ALK: variants seen among roughly 807,000 people sequenced by gnomAD.
ALK encodes ALK tyrosine kinase receptor.
In ALK, 74 loss-of-function variants were observed where a neutral mutation model predicts 163.1. That is an observed-to-expected ratio of 0.45 (90% confidence interval 0.38 to 0.55). ALK has a LOEUF of 0.55. ALK is among the 20% of genes least tolerant of loss of function. The pLI is 0.00. For missense variants in ALK, 2,063 were observed against 2,105.3 expected (o/e 0.98, Z 0.39); for synonymous variants, 960 against 843.2 (o/e 1.14, Z -2.40).
Position 29,383,742 on chromosome 2 carries a change from G to T in ALK, c.1272C>A (p.Asn424Lys), listed in dbSNP as rs747832091. The T allele has an allele frequency of 6.2e-7, 1 of 1,614,028 alleles. No homozygotes were observed. The highest frequency in any genetic ancestry group is 1.3e-5 in the African/African-American group (1 of 74,938). The change falls in exon 5 of 29, where the codon AAC becomes AAA. Residue 424 changes from asparagine to lysine, a missense_variant. Asn to Lys is a moderately conservative substitution (Grantham distance 94, BLOSUM62 0). Around this residue, in one of 5 missense-constraint regions of ALK, gnomAD observed 987 missense variants for 939.5 expected, o/e 1.05. Transcript: ENST00000389048. ...LSAVDFFALK[N>K]CSEGTSPGSK... The stretch of plus-strand genomic sequence containing the variant: ...GCCAGATTCAGATACCTTCACTGCA[G>T]TTCTTCAGGGCAAAGAAGTCCACTG...
In ALK at chr2:29,571,602, C is replaced by CT. The variant is rs60429543; in HGVS notation, c.953-39487dup. The stretch of plus-strand genomic sequence containing the variant: ...TAAATTACCTAGTCTTGGCTCATAT[C>CT]TTTTTTTTTTTTTTTTTTTTTTTTT... On this transcript the variant is annotated intron_variant, in intron 3 of 28. Coordinates refer to ENST00000389048, the MANE Select transcript of ALK (RefSeq NM_004304.5). 3.9e-3 allele frequency among the ~76,000 whole-genome samples: 266 copies of CT among 68,498 alleles called. 10 individuals carry two copies. Among genetic ancestry groups the CT allele is most frequent in the African/African-American group, 0.011 (145 of 13,620 alleles). The allele number at this position is 68,498 out of a possible 152,430, so 44.9% of individuals were successfully genotyped here. A position where few individuals can be genotyped will look rare whatever the true frequency, so the allele number is the denominator to read the frequency against.
intron 4 of ALK, among the ~76,000 whole-genome samples, chr2:29,510,415 C>T (rs912596404): frequency 6.6e-6 from 1 of 151,942 alleles, no homozygotes; most frequent in African/African-American, 2.4e-5. Flanking sequence ...AAACATGGCC[C>T]CAAAATAGAA....
chr2:29,824,848 G>C (rs936068608), intron 1 of ALK, among the ~76,000 whole-genome samples: 6 of 152,200 alleles, frequency 3.9e-5, no homozygotes, highest in African/African-American at 1.2e-4. Context: ...GGGGATGGTT[G>C]GGAATGCATG....
chr2:29,314,503 G>A (rs766985298), intron 8 of ALK, among the ~76,000 whole-genome samples: 4 of 152,080 alleles, frequency 2.6e-5, no homozygotes, highest in South Asian at 2.1e-4. Context: ...GTGTGTTTGC[G>A]TGTACATATG....
chr2:29,904,867 A>C (rs1165408955), intron 1 of ALK, among the ~76,000 whole-genome samples: 1 of 152,210 alleles, frequency 6.6e-6, no homozygotes, highest in Non-Finnish European at 1.5e-5. Flanking sequence ...CCTGATGATA[A>C]TTGAGTGTGA....
chr2:29,555,924 G>GA (rs1301205670), intron 3 of ALK, among the ~76,000 whole-genome samples: 3 of 152,168 alleles, frequency 2.0e-5, no homozygotes, highest in East Asian at 3.8e-4. Flanking sequence ...GGTTGTGGTA[G>GA]AAAAAATGTC....
chr2:29,920,631 AG>A lies in ALK; in HGVS notation c.28del (p.Leu10CysfsTer71). 1.3e-6 allele frequency: 2 copies of A among 1,540,336 alleles called. No homozygotes were observed. Among genetic ancestry groups the A allele is most frequent in the Non-Finnish European group, 1.7e-6 (2 of 1,150,190 alleles). On this transcript the variant is annotated frameshift_variant, in exon 1 of 29. Transcript: ENST00000389048. LOFTEE classifies it high-confidence loss of function. Reference protein sequence around the residue: MGAIGLLWLLPLLLSTAAVG... With the variant: MGAIGLLWLXPLLLSTAAVG... ...AGCTGCCGTGGAAAGCAGCAGCGGC[AG>A]GAGCCACAGGAGCCCGATGGCTCCC...
intron 1 of ALK, among the ~76,000 whole-genome samples, chr2:29,777,299 C>A (rs987016556): frequency 4.6e-5 from 7 of 152,228 alleles, no homozygotes; most frequent in Non-Finnish European, 1.0e-4. Context: ...TACATCATGA[C>A]CTTCTTAGAG....
chr2:29,574,255 G>C (rs1674460897), intron 3 of ALK, among the ~76,000 whole-genome samples: 1 of 152,160 alleles, frequency 6.6e-6, no homozygotes, highest in South Asian at 2.1e-4. Flanking sequence ...CCCTAAGCCT[G>C]GGCTTCTTGC....
intron 3 of ALK, among the ~76,000 whole-genome samples, chr2:29,673,271 G>A (rs1422665341): frequency 3.4e-5 from 4 of 116,102 alleles, no homozygotes; most frequent in Admixed American, 2.6e-4. Flanking sequence ...GTCCTGAATG[G>A]TATTGCCTAG....
At chr2:29,817,976 T>A (rs998619825) in intron 1 of ALK, among the ~76,000 whole-genome samples, 3 of 152,180 alleles carry the variant, frequency 2.0e-5, no homozygotes, top group Non-Finnish European at 4.4e-5. Context: ...CCAGTCCTCA[T>A]CAGGCCTGTG....
chr2:29,739,982 C>T (rs1296476369), intron 1 of ALK, among the ~76,000 whole-genome samples: 1 of 152,062 alleles, frequency 6.6e-6, no homozygotes, highest in Non-Finnish European at 1.5e-5. Flanking sequence ...GTAATGAAGA[C>T]TTCAAGAATT....
intron 4 of ALK, among the ~76,000 whole-genome samples, chr2:29,396,161 A>G (rs977220888): frequency 6.6e-6 from 1 of 152,152 alleles, no homozygotes; most frequent in Non-Finnish European, 1.5e-5. Context: ...GGTACAAAAA[A>G]GGCTCACAAG....
At chr2:29,894,599 C>A (rs1667223012) in intron 1 of ALK, among the ~76,000 whole-genome samples, 1 of 151,756 alleles carries the variant, frequency 6.6e-6, no homozygotes, top group Non-Finnish European at 1.5e-5. Flanking sequence ...TAGTGGGGAC[C>A]AGCAAAACCC....
At chr2:29,675,011 G>C (rs111623920) in intron 3 of ALK, among the ~76,000 whole-genome samples, 20 of 150,956 alleles carry the variant, frequency 1.3e-4, no homozygotes, top group African/African-American at 4.9e-4. Flanking sequence ...CTGTGGGATC[G>C]GTGGTGATAT....
chr2:29,868,782 G>A (rs1003528653), intron 1 of ALK, among the ~76,000 whole-genome samples: 1 of 152,164 alleles, frequency 6.6e-6, no homozygotes, highest in Non-Finnish European at 1.5e-5. Context: ...CAGGAGGTGG[G>A]GTTGATGTTC....
At chr2:29,621,824 C>T (rs116167179) in intron 3 of ALK, among the ~76,000 whole-genome samples, 1,660 of 152,190 alleles carry the variant, frequency 0.011, 30 homozygotes, top group African/African-American at 0.038. Context: ...CATCATTGTG[C>T]GAATGAGTTT....
chr2:29,561,550 C>T (rs192515505), intron 3 of ALK, among the ~76,000 whole-genome samples: 1 of 152,296 alleles, frequency 6.6e-6, no homozygotes, highest in East Asian at 1.9e-4. Flanking sequence ...AGCATGTTCA[C>T]TGTCCATCCA....
intron 3 of ALK, among the ~76,000 whole-genome samples, chr2:29,548,973 A>G (rs946757498): frequency 1.3e-5 from 2 of 152,148 alleles, no homozygotes; most frequent in South Asian, 4.1e-4. Context: ...GTAACCCATT[A>G]ATGGGCCATG....
Sources: gnomAD v4.1 joint callset for allele counts (sites outside exome capture counted in the v4.1 genomes callset) on GRCh38, gnomAD v4.1.1 for gene constraint, gnomAD v4.1.1 regional missense constraint, MANE v1.5 for transcripts, NCBI Gene and HGNC (gene_info 2026-07-23, HGNC 2026-07-21) for gene names.